Variants in GNAQ observed in about 807,000 individuals in gnomAD.
The protein encoded by GNAQ is guanine nucleotide-binding protein G(q) subunit alpha.
Under a neutral mutation model 43.9 loss-of-function variants are expected in GNAQ, and 8 were observed. The observed-to-expected ratio is 0.18, with a 90% CI of 0.11 to 0.33. The LOEUF is 0.33. Ranked by LOEUF, GNAQ falls within the 10% of genes least tolerant of loss-of-function variation. The pLI is 1.00. For missense variants in GNAQ, 158 were observed against 450.8 expected, an observed-to-expected ratio of 0.35 and a Z score of 5.88; for synonymous variants, 155 against 170.7, an observed-to-expected ratio of 0.91 and a Z score of 0.71.
intron 1 of GNAQ, among the ~76,000 whole-genome samples, chr9:77,978,996 C>T (rs986269621): frequency 5.9e-5 from 9 of 152,124 alleles, no homozygotes; most frequent in African/African-American, 2.2e-4. Context: ...GCAGAGGTTG[C>T]CTCTGCCTAG....
rs1429424727 is a variant in GNAQ at position 77,718,146 on chromosome 9, T to A, written c.*3177A>T. On this transcript the variant is annotated 3_prime_UTR_variant, in exon 7 of 7. Transcript: ENST00000286548. ...GCTGAAGAAAGGTTTCTGTGTTTTA[T>A]GTTTTTGTTTTTGAATAAGACATGC... 4.3e-6 allele frequency: 1 copy of A among 232,796 alleles called. No individual in the cohort carries two copies. Among genetic ancestry groups the A allele is most frequent in the Non-Finnish European group, 8.5e-6 (1 of 117,818 alleles). The allele number at this position is 232,796 out of a possible 1,614,324, so 14.4% of individuals were successfully genotyped here. A position where few individuals can be genotyped will look rare whatever the true frequency, so the allele number is the denominator to read the frequency against.
chr9:77,945,606 T>G (rs1822880416), intron 1 of GNAQ, among the ~76,000 whole-genome samples: 1 of 152,102 alleles, frequency 6.6e-6, no homozygotes, highest in African/African-American at 2.4e-5. Context: ...GAAAAATATA[T>G]CCTCTTAGGG....
intron 1 of GNAQ, among the ~76,000 whole-genome samples, chr9:78,015,091 T>C (rs928954146): frequency 6.6e-6 from 1 of 152,206 alleles, no homozygotes; most frequent in Non-Finnish European, 1.5e-5. Context: ...GCAAGCTCCA[T>C]TTATGGTAAG....
chr9:77,818,522 C>CA (rs1827057530), intron 2 of GNAQ, among the ~76,000 whole-genome samples: 1 of 150,160 alleles, frequency 6.7e-6, no homozygotes, highest in Admixed American at 6.6e-5. Context: ...AAATTAGATA[C>CA]TTTTTTTCTA....
chr9:77,820,484 G>A (rs1360664959), intron 2 of GNAQ, among the ~76,000 whole-genome samples: 1 of 152,154 alleles, frequency 6.6e-6, no homozygotes, highest in Non-Finnish European at 1.5e-5. Context: ...CTCATTGTGA[G>A]TGATTCACTC....
chr9:77,840,486 G>A (rs112763036), intron 2 of GNAQ, among the ~76,000 whole-genome samples: 2,470 of 151,802 alleles, frequency 0.016, 40 homozygotes, highest in African/African-American at 0.033. Context: ...ACAGGCATGC[G>A]CCACCACACC....
intron 5 of GNAQ, among the ~76,000 whole-genome samples, chr9:77,746,938 T>C (rs962649932): frequency 2.5e-4 from 38 of 152,312 alleles, no homozygotes; most frequent in African/African-American, 8.9e-4. Context: ...TTAAAAAATT[T>C]TGTCTTTTTT....
rs925270288 is a variant in GNAQ at position 77,728,378 on chromosome 9, AC to A, written c.889+135del. 5.8e-6 allele frequency: 4 copies of A among 689,688 alleles called. No individual in the cohort carries two copies. In the African/African-American group the frequency reaches 7.2e-5, roughly 12 times the overall value. 42.7% of individuals were successfully genotyped at this position (689,688 alleles called of 1,614,324 possible). A position where few individuals can be genotyped will look rare whatever the true frequency, so the allele number is the denominator to read the frequency against. On this transcript the variant is annotated intron_variant, in intron 6 of 6. Coordinates refer to ENST00000286548, the MANE Select transcript of GNAQ (RefSeq NM_002072.5). ...AAAGACAGGGCAAACAAGAATTCCT[AC>A]TGTATCAGTTTCAACACGCAGGCTG...
intron 2 of GNAQ, among the ~76,000 whole-genome samples, chr9:77,834,352 T>C (rs1015756374): frequency 1.3e-5 from 2 of 152,212 alleles, no homozygotes; most frequent in African/African-American, 4.8e-5. Context: ...AAGTAGCATA[T>C]TGCTTTTTTA....
At chr9:77,935,441 C>CA (rs1157310129) in intron 1 of GNAQ, among the ~76,000 whole-genome samples, 1 of 152,180 alleles carries the variant, frequency 6.6e-6, no homozygotes, top group Non-Finnish European at 1.5e-5. Flanking sequence ...TCTCCTAAAA[C>CA]AAAAAATTTT....
intron 1 of GNAQ, among the ~76,000 whole-genome samples, chr9:77,996,450 C>T (rs552943236): frequency 2.6e-5 from 4 of 152,140 alleles, no homozygotes; most frequent in Admixed American, 6.5e-5. Context: ...GAAGCCGAGG[C>T]GGGCGGATCA....
At chr9:77,779,290 G>A (rs1176530538) in intron 5 of GNAQ, among the ~76,000 whole-genome samples, 1 of 151,758 alleles carries the variant, frequency 6.6e-6, no homozygotes, top group African/African-American at 2.4e-5. Flanking sequence ...CCAAATACAT[G>A]GAAATTAAAC....
intron 2 of GNAQ, among the ~76,000 whole-genome samples, chr9:77,834,323 C>A (rs1454227642): frequency 2.0e-5 from 3 of 152,178 alleles, no homozygotes; most frequent in South Asian, 2.1e-4. Flanking sequence ...TTATGACAAA[C>A]AACATGAACT....
At chr9:77,973,026 A>C (rs867032391) in intron 1 of GNAQ, among the ~76,000 whole-genome samples, 245 of 152,032 alleles carry the variant, frequency 1.6e-3, no homozygotes, top group African/African-American at 5.6e-3. Context: ...AAAAAAAAAA[A>C]AAACAAGACA....
chr9:77,918,810 T>C (rs1454286370), intron 2 of GNAQ, among the ~76,000 whole-genome samples: 2 of 152,220 alleles, frequency 1.3e-5, no homozygotes, highest in Admixed American at 1.3e-4. Flanking sequence ...CCTGACAGTA[T>C]ATAGCATTTA....
intron 2 of GNAQ, among the ~76,000 whole-genome samples, chr9:77,918,892 C>T (rs1389934814): frequency 3.9e-5 from 6 of 152,164 alleles, no homozygotes; most frequent in East Asian, 1.9e-4. Context: ...TTAGGGCAGA[C>T]GAGGAGACTC....
intron 1 of GNAQ, among the ~76,000 whole-genome samples, chr9:78,022,166 C>A (rs908075752): frequency 2.0e-5 from 3 of 152,196 alleles, no homozygotes; most frequent in Non-Finnish European, 4.4e-5. Context: ...CCCGAAGGAG[C>A]CCACCAGACC....
intron 3 of GNAQ, among the ~76,000 whole-genome samples, chr9:77,808,156 C>A (rs558962198): frequency 6.6e-6 from 1 of 152,096 alleles, no homozygotes; most frequent in South Asian, 2.1e-4. Context: ...CACATCCACC[C>A]TGCCCTTTAG....
chr9:77,999,594 C>T (rs1823618696), intron 1 of GNAQ, among the ~76,000 whole-genome samples: 1 of 152,214 alleles, frequency 6.6e-6, no homozygotes, highest in Non-Finnish European at 1.5e-5. Flanking sequence ...ATCTCATTCT[C>T]TTCCCAGGTG....
Sources: gnomAD v4.1 joint callset for allele counts (sites outside exome capture counted in the v4.1 genomes callset) on GRCh38, gnomAD v4.1.1 for gene constraint, MANE v1.5 for transcripts, NCBI Gene and HGNC (gene_info 2026-07-23, HGNC 2026-07-21) for gene names.